The following TTC28 variants were observed in gnomAD, a reference collection of about 807,000 sequenced individuals.
The protein encoded by TTC28 is tetratricopeptide repeat protein 28.
In TTC28, 61 loss-of-function variants were observed where a neutral mutation model predicts 198.0. The observed-to-expected ratio is 0.31, with a 90% CI of 0.25 to 0.38. TTC28 has a LOEUF of 0.38. Among genes scored for constraint, TTC28 ranks in the 10% least tolerant of loss-of-function variants. The pLI is 1.00. For synonymous variants in TTC28, 1,171 were observed against 1,297.8 expected (o/e 0.90, Z 2.10); for missense variants, 2,678 against 3,164.0 (o/e 0.85, Z 3.69).
chr22:28,098,612 A>G (rs944137717), intron 10 of TTC28, among the ~76,000 whole-genome samples: 2 of 151,832 alleles, frequency 1.3e-5, no homozygotes, highest in Non-Finnish European at 1.5e-5. Context: ...CCTAGTGCCA[A>G]TCAGCACTGT....
At chr22:28,197,305 T>C (rs1795528904) in intron 5 of TTC28, among the ~76,000 whole-genome samples, 1 of 150,516 alleles carries the variant, frequency 6.6e-6, no homozygotes, top group Non-Finnish European at 1.5e-5. Context: ...AGGGATAGCA[T>C]TAAGAGATAT....
chr22:28,180,965 C>A (rs745700747), intron 5 of TTC28, among the ~76,000 whole-genome samples: 12 of 152,116 alleles, frequency 7.9e-5, no homozygotes, highest in Non-Finnish European at 1.2e-4. Flanking sequence ...ATTTTGCAAT[C>A]CTTACTGAAA....
intron 2 of TTC28, among the ~76,000 whole-genome samples, chr22:28,618,133 G>C (rs555911050): frequency 9.5e-4 from 144 of 152,072 alleles, no homozygotes; most frequent in African/African-American, 3.0e-3. Context: ...AAATTAGCCA[G>C]GCGTGGTGGT....
At chr22:28,368,374 T>G (rs1307596515) in intron 2 of TTC28, among the ~76,000 whole-genome samples, 1 of 152,018 alleles carries the variant, frequency 6.6e-6, no homozygotes, top group Non-Finnish European at 1.5e-5. Context: ...TTCAAAAAAC[T>G]GAGTATAGAA....
intron 12 of TTC28, among the ~76,000 whole-genome samples, chr22:28,078,696 A>T (rs1012018059): frequency 1.3e-5 from 2 of 152,100 alleles, no homozygotes; most frequent in African/African-American, 4.8e-5. Flanking sequence ...CAGAAGGGAG[A>T]AGCGCTTCAT....
intron 5 of TTC28, among the ~76,000 whole-genome samples, chr22:28,242,266 A>G (rs1929710941): frequency 6.6e-6 from 1 of 152,156 alleles, no homozygotes; most frequent in Non-Finnish European, 1.5e-5. Context: ...AGAGTCTGTT[A>G]TGACCGCTCC....
chr22:28,228,061 T>C (rs1928487189), intron 5 of TTC28, among the ~76,000 whole-genome samples: 1 of 152,106 alleles, frequency 6.6e-6, no homozygotes, highest in Non-Finnish European at 1.5e-5. Context: ...TTCTGATGCA[T>C]GCTACATGAA....
intron 4 of TTC28, 66 bp from the exon 5 acceptor site, chr22:28,296,394 T>A: frequency 8.0e-7 from 1 of 1,252,334 alleles, no homozygotes; most frequent in Non-Finnish European, 1.0e-6. Context: ...TTATAACATA[T>A]AATGGTCATC....
At chr22:28,083,552 G>C (rs924128226) in intron 12 of TTC28, among the ~76,000 whole-genome samples, 8 of 152,228 alleles carry the variant, frequency 5.3e-5, no homozygotes, top group African/African-American at 1.9e-4. Context: ...TGGCCGAATA[G>C]GAACAGCTCC....
At chr22:28,576,008 T>C (rs1484218797) in intron 2 of TTC28, among the ~76,000 whole-genome samples, 2 of 152,140 alleles carry the variant, frequency 1.3e-5, no homozygotes, top group African/African-American at 2.4e-5. Flanking sequence ...TCTTGTCTGA[T>C]AGCTAGGACT....
rs2047564502 is a variant in TTC28, at chr22:28,438,793, C to T, written c.382-132150G>A. ...TGTGATGCATGATGTAGTCTCTTGA[C>T]TAAAGGTAAAAACGGGAAAGTATAT... On this transcript the variant is annotated intron_variant, in intron 2 of 22. Coordinates refer to ENST00000397906, the MANE Select transcript of TTC28 (RefSeq NM_001145418.2). Among the ~76,000 whole-genome samples, 3 of 152,128 alleles carry T rather than the reference C, an allele frequency of 2.0e-5. 1 individual carries two copies. The South Asian group carries it at 6.2e-4, about 32-fold the overall frequency.
intron 5 of TTC28, among the ~76,000 whole-genome samples, chr22:28,286,734 C>A (rs1321449869): frequency 6.6e-6 from 1 of 151,952 alleles, no homozygotes; most frequent in East Asian, 1.9e-4. Context: ...TGCTGAATAT[C>A]TAGATCAAGG....
chr22:28,536,720 G>A (rs995580036), intron 2 of TTC28, among the ~76,000 whole-genome samples: 1 of 152,208 alleles, frequency 6.6e-6, no homozygotes, highest in African/African-American at 2.4e-5. Context: ...CCATGAAGGT[G>A]TCAATTCTCT....
intron 5 of TTC28, among the ~76,000 whole-genome samples, chr22:28,257,778 A>ATATATATC (rs1931048960): frequency 3.1e-5 from 4 of 130,984 alleles, no homozygotes; most frequent in African/African-American, 8.5e-5. Context: ...ATATATATAT[A>ATATATATC]TATCTTCTAC....
intron 5 of TTC28, among the ~76,000 whole-genome samples, chr22:28,256,188 G>A (rs942251688): frequency 2.3e-4 from 35 of 151,780 alleles, no homozygotes; most frequent in Admixed American, 1.7e-3. Context: ...TTGGGAGGCT[G>A]AGGCAGGCAG....
chr22:28,505,032 G>T (rs1187834396), intron 2 of TTC28, among the ~76,000 whole-genome samples: 2 of 151,876 alleles, frequency 1.3e-5, no homozygotes, highest in East Asian at 3.9e-4. Context: ...CGAGGTGGGC[G>T]GATCACAAGG....
At chr22:28,224,709 A>C (rs1928154487) in intron 5 of TTC28, among the ~76,000 whole-genome samples, 1 of 152,180 alleles carries the variant, frequency 6.6e-6, no homozygotes, top group East Asian at 1.9e-4. Flanking sequence ...GCTGATGAGA[A>C]GCAAATATAA....
Position 28,108,203 on chromosome 22 carries a change from T to C in TTC28, c.1642A>G (p.Asn548Asp), listed in dbSNP as rs1190695802. ...GTGGAGGCCTGTGAGGCGCGGTCAT[T>C]CACTTCCATGGAGATCTGCAGCTCC... ...RQELQISMEV[N>D]DRASQASTHG... The change falls in exon 7 of 23, where the codon AAT becomes GAT. Residue 548 changes from asparagine to aspartate, a missense_variant. Coordinates refer to ENST00000397906, the MANE Select transcript of TTC28 (RefSeq NM_001145418.2). The C allele has an allele frequency of 1.3e-6, 2 of 1,551,596 alleles. No homozygotes were observed. Among genetic ancestry groups the C allele is most frequent in the Non-Finnish European group, 1.7e-6 (2 of 1,146,920 alleles).
At chr22:28,630,463 A>C (rs1601641480) in intron 1 of TTC28, among the ~76,000 whole-genome samples, 1 of 152,036 alleles carries the variant, frequency 6.6e-6, no homozygotes, top group South Asian at 2.1e-4. Flanking sequence ...GCATGCAGCT[A>C]ATTTTTTTTG....
Sources: gnomAD v4.1 joint callset for allele counts (sites outside exome capture counted in the v4.1 genomes callset) on GRCh38, gnomAD v4.1.1 for gene constraint, MANE v1.5 for transcripts, NCBI Gene and HGNC (gene_info 2026-07-23, HGNC 2026-07-21) for gene names.